Variants in TBCD observed in about 807,000 individuals in gnomAD.
TBCD encodes tubulin folding cofactor D.
A neutral mutation model predicts 169.3 loss-of-function variants in TBCD; 105 were observed. That is an observed-to-expected ratio of 0.62 (90% CI 0.53 to 0.73). The LOEUF (loss-of-function observed/expected upper bound fraction) is 0.73, where lower values mean the gene tolerates loss of function less well. Among genes scored for constraint, TBCD ranks in the 30% least tolerant of loss-of-function variants. The pLI is 0.00. For missense variants in TBCD, 1,444 were observed against 1,600.1 expected (o/e 0.90, Z 1.66); for synonymous variants, 700 against 643.9 (o/e 1.09, Z -1.32).
At chr17:82,854,354 C>T (rs2056073704) in intron 13 of TBCD, among the ~76,000 whole-genome samples, 1 of 152,216 alleles carries the variant, frequency 6.6e-6, no homozygotes. Flanking sequence ...CCACATAAGA[C>T]CAGGTTCCCT....
intron 20 of TBCD, among the ~76,000 whole-genome samples, chr17:82,906,756 C>G (rs1283457498): frequency 2.0e-5 from 3 of 152,274 alleles, no homozygotes; most frequent in African/African-American, 7.2e-5. Context: ...TATGGGCCCA[C>G]CTCCCGCCCA....
chr17:82,924,263 A>G (rs976641891), intron 26 of TBCD, among the ~76,000 whole-genome samples: 1 of 152,198 alleles, frequency 6.6e-6, no homozygotes, highest in Non-Finnish European at 1.5e-5. Context: ...CAGTGTTTTT[A>G]GAATTTTTGT....
At chr17:82,803,459 G>C (rs1293219832) in intron 9 of TBCD, among the ~76,000 whole-genome samples, 1 of 152,202 alleles carries the variant, frequency 6.6e-6, no homozygotes, top group Non-Finnish European at 1.5e-5. Context: ...AGTGCCCAGG[G>C]ATCCAAGGGA....
chr17:82,937,077 G>A (rs539723309), intron 34 of TBCD, 194 bp from the exon 35 acceptor site: 76 of 577,698 alleles, frequency 1.3e-4, no homozygotes, highest in African/African-American at 1.3e-3. Flanking sequence ...TGGCACAGCC[G>A]CTAGGGACCA....
At chr17:82,840,954 G>GTTTTTTTTTTTTTTTTTTTTTTTTTT in intron 13 of TBCD, among the ~76,000 whole-genome samples, 1 of 44,278 alleles carries the variant, frequency 2.3e-5, no homozygotes, top group Non-Finnish European at 4.6e-5. Flanking sequence ...AGACAAACTG[G>GTTTTTTTTTTTTTTTTTTTTTTTTTT]TTTTTTTTTT....
chr17:82,892,922 G>C (rs2059239791), intron 16 of TBCD: 1 of 152,244 alleles, frequency 6.6e-6, no homozygotes, highest in African/African-American at 2.4e-5. Flanking sequence ...GGGGTGGGAG[G>C]AGGTGCCGCC....
At position 82,942,491 on chromosome 17, in the gene TBCD, C is replaced by T; in HGVS notation, c.*28C>T. 3 of 1,613,848 alleles carry T rather than the reference C, an allele frequency of 1.9e-6. No homozygotes were observed. The highest frequency in any genetic ancestry group is 1.3e-5 in the African/African-American group (1 of 75,064). On this transcript the variant is annotated 3_prime_UTR_variant, in exon 39 of 39. Transcript: ENST00000355528. ...CCAGTCCTGGAGCCCATACCTCACC[C>T]CTGCCTGGTGAGGATGTCTTGTTCC...
chr17:82,855,379 C>T (rs1207572312), intron 13 of TBCD, among the ~76,000 whole-genome samples: 2 of 151,556 alleles, frequency 1.3e-5, no homozygotes, highest in African/African-American at 4.9e-5. Context: ...ATCCTTCCAC[C>T]TCAGCCTCCC....
At chr17:82,866,009 C>G (rs1428025109) in intron 13 of TBCD, among the ~76,000 whole-genome samples, 2 of 152,134 alleles carry the variant, frequency 1.3e-5, no homozygotes, top group Non-Finnish European at 2.9e-5. Flanking sequence ...GTAATTGGAA[C>G]CATGAGAAAG....
chr17:82,879,059 C>CTTTTTTTTTTT (rs58480407), intron 14 of TBCD, among the ~76,000 whole-genome samples: 5 of 113,988 alleles, frequency 4.4e-5, no homozygotes, highest in Non-Finnish European at 7.2e-5. Context: ...AGATCCTGTT[C>CTTTTTTTTTTT]TTTTTTTTTT....
At chr17:82,820,203 C>A (rs2052299366) in intron 13 of TBCD, among the ~76,000 whole-genome samples, 1 of 152,164 alleles carries the variant, frequency 6.6e-6, no homozygotes, top group Non-Finnish European at 1.5e-5. Flanking sequence ...GTCTCGAACT[C>A]CTGACCTCAA....
intron 7 of TBCD, among the ~76,000 whole-genome samples, chr17:82,786,850 G>C (rs1304014931): frequency 9.1e-6 from 1 of 109,782 alleles, no homozygotes; most frequent in Non-Finnish European, 1.8e-5. Context: ...TGATGATCTT[G>C]TTGGTTTTCT....
rs550663441 is a variant in TBCD at position 82,922,131 on chromosome 17, C to T, written c.2178+554C>T. Among the ~76,000 whole-genome samples, 4 of 152,278 alleles carry T rather than the reference C, an allele frequency of 2.6e-5. No individual in the cohort carries two copies. The South Asian group carries it at 6.2e-4, about 24-fold the overall frequency. On this transcript the variant is annotated intron_variant, in intron 25 of 38. Coordinates refer to ENST00000355528, the MANE Select transcript of TBCD (RefSeq NM_005993.5). The surrounding 1 kb of genome is among the most constrained non-coding windows in gnomAD (Gnocchi z 4.1). The stretch of plus-strand genomic sequence containing the variant: ...AGAAACCATGGGCCCGGCGCAGTGG[C>T]GGGTGGATCACTTGAGGTCAGGAGT...
chr17:82,886,865 T>C (rs932370993), intron 15 of TBCD, among the ~76,000 whole-genome samples: 23 of 151,370 alleles, frequency 1.5e-4, no homozygotes, highest in Middle Eastern at 6.8e-3. Context: ...AGACGGGGTT[T>C]CACCATGTTG....
intron 14 of TBCD, among the ~76,000 whole-genome samples, chr17:82,873,057 G>A (rs1357233740): frequency 2.6e-5 from 4 of 152,394 alleles, no homozygotes; most frequent in African/African-American, 9.6e-5. Context: ...GGGGCTCAGC[G>A]CTGCCTCGTG....
At chr17:82,803,010 G>A (rs753021839) in intron 9 of TBCD, among the ~76,000 whole-genome samples, 2 of 152,144 alleles carry the variant, frequency 1.3e-5, no homozygotes, top group Non-Finnish European at 2.9e-5. Context: ...TTTCTCTTCC[G>A]TCTTTCTCTA....
intron 6 of TBCD, among the ~76,000 whole-genome samples, chr17:82,774,428 C>T (rs537563524): frequency 2.6e-5 from 4 of 152,200 alleles, no homozygotes; most frequent in Admixed American, 6.5e-5. Context: ...AGAACAAAAT[C>T]GAGTCTCCTA....
chr17:82,844,088 A>G (rs2054785091), intron 13 of TBCD, among the ~76,000 whole-genome samples: 1 of 151,554 alleles, frequency 6.6e-6, no homozygotes, highest in African/African-American at 2.4e-5. Flanking sequence ...TTTTGTTCTG[A>G]GTGTTCCTTT....
At position 82,899,361 on chromosome 17, in the gene TBCD, T is replaced by C. The variant is rs4986132; in HGVS notation, c.1650-1290T>C. 1.2e-4 allele frequency among the ~76,000 whole-genome samples: 18 copies of C among 149,734 alleles called. 1 individual carries two copies. The South Asian group carries it at 1.3e-3, about 11-fold the overall frequency. ...TCGTGTCCTCAGTGCGTGTCCGCAG[T>C]GCGTCCTCAGCGCACGTGTCCTCAG... On this transcript the variant is annotated intron_variant, in intron 17 of 38. Transcript: ENST00000355528.
Sources: gnomAD v4.1 joint callset for allele counts (sites outside exome capture counted in the v4.1 genomes callset) on GRCh38, gnomAD v4.1.1 for gene constraint, Gnocchi (gnomAD v3.1) non-coding constraint, MANE v1.5 for transcripts, NCBI Gene and HGNC (gene_info 2026-07-23, HGNC 2026-07-21) for gene names.